The following CREB5 variants were observed in gnomAD, a reference collection of about 807,000 sequenced individuals.
CREB5 encodes the protein cyclic AMP-responsive element-binding protein 5.
CREB5 carries 19 observed loss-of-function variants against 57.1 expected under a neutral mutation model. The observed-to-expected ratio is 0.33, with a 90% CI of 0.23 to 0.49. The LOEUF is 0.49. Ranked by LOEUF, CREB5 falls within the 20% of genes least tolerant of loss-of-function variation. The probability of loss-of-function intolerance (pLI) is 0.99; values close to 1 mark genes in which losing one functional copy is unlikely to be tolerated. For missense variants in CREB5, 579 were observed against 671.6 expected, an observed-to-expected ratio of 0.86 and a Z score of 1.52; for synonymous variants, 238 against 238.3, an observed-to-expected ratio of 1.00 and a Z score of 0.01.
chr7:28,803,026 AAG>A (rs1197059478), intron 7 of CREB5, among the ~76,000 whole-genome samples: 7 of 152,240 alleles, frequency 4.6e-5, no homozygotes, highest in African/African-American at 1.4e-4. Flanking sequence ...CACAGAAGAT[AAG>A]AGAAGAAAAT....
chr7:28,488,093 G>A (rs1361633905), intron 1 of CREB5, 82 bp from the exon 2 acceptor site: 10 of 1,253,122 alleles, frequency 8.0e-6, no homozygotes, highest in Middle Eastern at 3.8e-4. Context: ...CTGAGTGATT[G>A]CCTTTCTCAC....
chr7:28,734,243 A>C (rs1378876249), intron 7 of CREB5, among the ~76,000 whole-genome samples: 3 of 151,480 alleles, frequency 2.0e-5, no homozygotes, highest in Non-Finnish European at 4.4e-5. Context: ...CAAACAAAAA[A>C]AACAGGTTAA....
intron 5 of CREB5, among the ~76,000 whole-genome samples, chr7:28,581,643 G>A (rs1464859738): frequency 6.6e-6 from 1 of 152,186 alleles, no homozygotes; most frequent in Non-Finnish European, 1.5e-5. Flanking sequence ...TCCTAAGAAA[G>A]GCTGAATCAG....
At chr7:28,578,109 C>A (rs1274313894) in intron 5 of CREB5, among the ~76,000 whole-genome samples, 2 of 152,214 alleles carry the variant, frequency 1.3e-5, no homozygotes, top group Non-Finnish European at 2.9e-5. Context: ...ATCTGAAACA[C>A]AGCTTTAGCT....
Position 28,804,413 on chromosome 7 carries a change from A to G in CREB5, c.917A>G (p.His306Arg), listed in dbSNP as rs764768380. 3.7e-6 allele frequency: 6 copies of G among 1,613,484 alleles called. No homozygotes were observed. The highest frequency in any genetic ancestry group is 4.2e-6 in the Non-Finnish European group (5 of 1,179,960). Residue 306 changes from histidine to arginine, a missense_variant, in exon 8 of 11, where the codon CAT becomes CGT. Transcript: ENST00000357727. ...GCACACCATCCTCACCCTCAACCCCATCACCAGCAGAACCATCCACATCAC... is the reference window on the plus strand; with the variant it reads ...GCACACCATCCTCACCCTCAACCCCGTCACCAGCAGAACCATCCACATCAC... ...HPAHHPHPQP[H>R]HQQNHPHHHS...
At chr7:28,802,757 C>T (rs753663898) in intron 7 of CREB5, among the ~76,000 whole-genome samples, 9 of 152,226 alleles carry the variant, frequency 5.9e-5, no homozygotes, top group African/African-American at 1.4e-4. Flanking sequence ...ATCTTTAGAA[C>T]GGGGTTAGCA....
intron 7 of CREB5, among the ~76,000 whole-genome samples, chr7:28,800,602 A>G (rs1488540197): frequency 6.6e-6 from 1 of 152,180 alleles, no homozygotes; most frequent in Non-Finnish European, 1.5e-5. Context: ...GTTCTTCACA[A>G]ATACAACAAG....
rs138221456 is a variant in CREB5 at position 28,561,033 on chromosome 7, T to TGTGC, written c.292-9329_292-9328insCGTG. 5.8e-3 allele frequency among the ~76,000 whole-genome samples: 480 copies of TGTGC among 83,378 alleles called. 34 individuals carry two copies. The highest frequency in any genetic ancestry group is 0.015 in the East Asian group (26 of 1,694). The allele number at this position is 83,378 out of a possible 152,430, so 54.7% of individuals were successfully genotyped here. ...GTGTGTGTGCGTGTGTGCGTGTGTGTGTGTGTGTGTGAAGGTATTTTTCAG... is the reference window on the plus strand; with the variant it reads ...GTGTGTGTGCGTGTGTGCGTGTGTGTGTGCGTGTGTGTGTGAAGGTATTTTTCAG... On this transcript the variant is annotated intron_variant, in intron 4 of 10. Transcript: ENST00000357727.
chr7:28,455,838 T>C (rs1257985722), intron 1 of CREB5, among the ~76,000 whole-genome samples: 1 of 152,176 alleles, frequency 6.6e-6, no homozygotes, highest in Non-Finnish European at 1.5e-5. Context: ...CCAAGAGGGT[T>C]GGGTGAGAGG....
rs554403637 is a variant in CREB5 at position 28,475,889 on chromosome 7, C to T, written c.4-12286C>T. On this transcript the variant is annotated intron_variant, in intron 1 of 10. Transcript: ENST00000357727. ...GCTCCATCTCCAGCCCCTCCAAGCC[C>T]AGGGTGAGGAGTCCCTCTTCCCTGG... Among the ~76,000 whole-genome samples, 5 of 152,240 alleles carry T rather than the reference C, an allele frequency of 3.3e-5. 1 individual carries two copies. The South Asian group carries it at 1.0e-3, about 32-fold the overall frequency.
chr7:28,343,797 G>A (rs1293829490), intron 1 of CREB5, among the ~76,000 whole-genome samples: 2 of 152,146 alleles, frequency 1.3e-5, no homozygotes, highest in African/African-American at 2.4e-5. Context: ...CATAATGACT[G>A]TACTGATTTC....
intron 5 of CREB5, among the ~76,000 whole-genome samples, chr7:28,622,162 G>A (rs1797821139): frequency 6.6e-6 from 1 of 152,050 alleles, no homozygotes; most frequent in Non-Finnish European, 1.5e-5. Flanking sequence ...CAATTAACGT[G>A]TTTTCCTGTG....
At chr7:28,448,222 TGG>T (rs1789588683) in intron 1 of CREB5, among the ~76,000 whole-genome samples, 2 of 152,234 alleles carry the variant, frequency 1.3e-5, no homozygotes, top group Non-Finnish European at 2.9e-5. Flanking sequence ...TCTTCACTTT[TGG>T]GACTCAGACT....
intron 1 of CREB5, among the ~76,000 whole-genome samples, chr7:28,305,911 C>A (rs558742682): frequency 4.6e-5 from 7 of 151,462 alleles, no homozygotes; most frequent in African/African-American, 1.7e-4. Context: ...GTCTATACAC[C>A]AAAAATAGTG....
chr7:28,686,235 A>G, intron 5 of CREB5: 2 of 1,566,312 alleles, frequency 1.3e-6, no homozygotes, highest in East Asian at 2.2e-5. Flanking sequence ...TCCTGATTTT[A>G]TAGATTTTTT....
At chr7:28,558,192 A>G (rs1362461341) in intron 4 of CREB5, among the ~76,000 whole-genome samples, 1 of 152,180 alleles carries the variant, frequency 6.6e-6, no homozygotes, top group East Asian at 1.9e-4. Context: ...TCTCTGTTGC[A>G]TTGCTTAGTT....
chr7:28,568,350 AC>A lies in CREB5; in HGVS notation c.292-2014del, dbSNP rs1795562370. On this transcript the variant is annotated intron_variant, in intron 4 of 10. Transcript: ENST00000357727. ...GGATCTATTATTGATAGAGTAGGTG[AC>A]TATGAACAAGATGAAAAATGTTAAG... 3.3e-5 allele frequency among the ~76,000 whole-genome samples: 5 copies of A among 152,230 alleles called. No homozygotes were observed. The South Asian group carries it at 1.0e-3, about 31-fold the overall frequency.
chr7:28,518,797 T>C (rs1200549881), intron 4 of CREB5, among the ~76,000 whole-genome samples: 2 of 152,126 alleles, frequency 1.3e-5, no homozygotes, highest in Non-Finnish European at 2.9e-5. Flanking sequence ...ACTCCCCCCA[T>C]GTGGATTGTG....
chr7:28,809,944 A>G (rs554949391), intron 9 of CREB5, among the ~76,000 whole-genome samples: 1 of 152,126 alleles, frequency 6.6e-6, no homozygotes, highest in African/African-American at 2.4e-5. Flanking sequence ...TTTTTGTTTC[A>G]TGGAAGAAAG....
Sources: allele counts gnomAD v4.1 joint callset (sites outside exome capture counted in the v4.1 genomes callset), GRCh38; gene constraint gnomAD v4.1.1; transcripts MANE v1.5; gene names NCBI Gene and HGNC (gene_info 2026-07-23, HGNC 2026-07-21).